Variants in ANKRD17 observed in about 807,000 individuals in gnomAD.
ANKRD17 encodes ankyrin repeat domain 17.
In ANKRD17, 19 loss-of-function variants were observed where a neutral mutation model predicts 229.7. That is an observed-to-expected ratio of 0.08 (90% CI 0.06 to 0.12). ANKRD17 has a LOEUF of 0.12. ANKRD17 is among the 10% of genes least tolerant of loss of function. ANKRD17 has a pLI of 1.00. For synonymous variants in ANKRD17, 1,112 were observed against 1,146.1 expected (o/e 0.97, Z 0.60); for missense variants, 2,176 against 3,176.8 (o/e 0.68, Z 7.57).
intron 1 of ANKRD17, among the ~76,000 whole-genome samples, chr4:73,218,642 CAAAA>C (rs919657671): frequency 7.4e-4 from 44 of 59,672 alleles, no homozygotes; most frequent in Non-Finnish European, 1.3e-3. Flanking sequence ...GACTCTGTCT[CAAAA>C]AAAAAAAAAA....
Position 73,228,997 on chromosome 4 carries a change from G to A in ANKRD17, c.393+29279C>T, listed in dbSNP as rs1397966042. On this transcript the variant is annotated intron_variant, in intron 1 of 33. Transcript: ENST00000358602. Reference sequence around the variant, plus strand: ...TGTCCTTTGTAGGGACACGGATGAAGCTGGAAACCATCATTCTCAGCAAAC... The same window carrying A: ...TGTCCTTTGTAGGGACACGGATGAAACTGGAAACCATCATTCTCAGCAAAC... Among the ~76,000 whole-genome samples the A allele has an allele frequency of 2.6e-5, 4 of 152,312 alleles. No individual in the cohort carries two copies. The South Asian group carries it at 8.3e-4, about 32-fold the overall frequency.
rs1730370780 is a variant in ANKRD17, at chr4:73,147,024, C to T, written c.1760-151G>A. The T allele has an allele frequency of 3.8e-6, 3 of 785,462 alleles. No homozygotes were observed. The South Asian group carries it at 6.8e-5, about 18-fold the overall frequency. The allele number at this position is 785,462 out of a possible 1,614,324, so 48.7% of individuals were successfully genotyped here. A position where few individuals can be genotyped will look rare whatever the true frequency, so the allele number is the denominator to read the frequency against. On this transcript the variant is annotated intron_variant, in intron 9 of 33. Coordinates refer to ENST00000358602, the MANE Select transcript of ANKRD17 (RefSeq NM_032217.5). ...TTCCAGAAACAGAGAATATTGTAGG[C>T]ATTAAAAAAATTACAAACAAAACTG...
At chr4:73,106,879 A>T (rs1210624238) in intron 24 of ANKRD17, among the ~76,000 whole-genome samples, 13 of 2,022 alleles carry the variant, frequency 6.4e-3, no homozygotes, top group Middle Eastern at 0.25. Context: ...CTCCGTCTTT[A>T]AAAAAAAAAA....
At chr4:73,103,050 T>A (rs1054183698) in intron 24 of ANKRD17, among the ~76,000 whole-genome samples, 4 of 152,078 alleles carry the variant, frequency 2.6e-5, no homozygotes, top group African/African-American at 4.8e-5. Flanking sequence ...GTTCAGCAAT[T>A]TTCTTTGCAA....
intron 1 of ANKRD17, among the ~76,000 whole-genome samples, chr4:73,208,774 G>A (rs1739854806): frequency 6.6e-6 from 1 of 152,112 alleles, no homozygotes; most frequent in South Asian, 2.1e-4. Context: ...AGTGCATAGA[G>A]GGAAACTTAT....
At chr4:73,104,433 GGTAA>G (rs1724371752) in intron 24 of ANKRD17, among the ~76,000 whole-genome samples, 2 of 152,198 alleles carry the variant, frequency 1.3e-5, no homozygotes, top group South Asian at 4.1e-4. Context: ...TTGTGGAACA[GGTAA>G]GTAAGTATAA....
chr4:73,140,090 T>C lies in ANKRD17; in HGVS notation c.2526A>G (p.Gln842=), dbSNP rs138221857. The stretch of plus-strand genomic sequence containing the variant: ...GCTCCTCGATCTTCTCCTTGGTAAG[T>C]TGGTCAGCATGAGCCAGTTCCAAGG... The part of the protein sequence containing the change: ...LQSLELAHAD[Q]LTKEKIEELN... Residue 842 remains glutamine (Q), a synonymous_variant, in exon 15 of 34, where the codon CAA becomes CAG. Coordinates refer to ENST00000358602, the MANE Select transcript of ANKRD17 (RefSeq NM_032217.5). 2.8e-4 allele frequency: 457 copies of C among 1,614,120 alleles called. 1 individual carries two copies. Among genetic ancestry groups the C allele is most frequent in the Non-Finnish European group, 3.7e-4 (436 of 1,180,050 alleles).
At chr4:73,167,323 G>T (rs1733370467) in intron 2 of ANKRD17, among the ~76,000 whole-genome samples, 1 of 152,062 alleles carries the variant, frequency 6.6e-6, no homozygotes, top group Non-Finnish European at 1.5e-5. Context: ...GAAAGAAAGG[G>T]AAGTAGGGGG....
At chr4:73,149,529 G>A (rs1315718851) in intron 7 of ANKRD17, among the ~76,000 whole-genome samples, 9 of 152,110 alleles carry the variant, frequency 5.9e-5, no homozygotes, top group South Asian at 4.1e-4. Flanking sequence ...ACACAAATGC[G>A]TACATGGTAC....
In ANKRD17 at chr4:73,118,714, T is replaced by C; in HGVS notation, c.4162A>G (p.Thr1388Ala). 6.2e-7 allele frequency: 1 copy of C among 1,613,634 alleles called. No individual in the cohort carries two copies. Among genetic ancestry groups the C allele is most frequent in the Non-Finnish European group, 8.5e-7 (1 of 1,179,918 alleles). Residue 1388 changes from threonine to alanine, a missense_variant, in exon 22 of 34, where the codon ACT becomes GCT. Thr to Ala is a moderately conservative substitution (Grantham distance 58, BLOSUM62 0). This residue lies in a region of ANKRD17 where 178 missense variants were observed against 421.7 expected (regional missense o/e 0.42). Coordinates refer to ENST00000358602, the MANE Select transcript of ANKRD17 (RefSeq NM_032217.5). ...TTTCTAAATGCTGCCATAAGAGGAG[T>C]TATCTTGCGGTTATCTGCTGCATCC... is the stretch of plus-strand genomic sequence containing the variant. Reference protein sequence around the residue: ...DVDAADNRKITPLMAAFRKGH... With the variant: ...DVDAADNRKIAPLMAAFRKGH...
intron 2 of ANKRD17, among the ~76,000 whole-genome samples, chr4:73,173,959 A>G (rs1437529889): frequency 6.6e-6 from 1 of 151,982 alleles, no homozygotes; most frequent in Non-Finnish European, 1.5e-5. Flanking sequence ...AACTTTCTTC[A>G]GCAGAACCCA....
chr4:73,102,706 A>G, intron 24 of ANKRD17, 159 bp from the exon 25 acceptor site: 2 of 718,664 alleles, frequency 2.8e-6, no homozygotes, highest in South Asian at 2.0e-5. Flanking sequence ...AAACCACTCT[A>G]AAGAGACAAT....
chr4:73,099,109 G>A (rs1723639448), intron 25 of ANKRD17: 1 of 771,586 alleles, frequency 1.3e-6, no homozygotes, highest in South Asian at 1.4e-5. Flanking sequence ...AGGAAGAGGA[G>A]GGCATCTGGC....
chr4:73,215,564 G>T (rs936923872), intron 1 of ANKRD17, among the ~76,000 whole-genome samples: 1 of 152,066 alleles, frequency 6.6e-6, no homozygotes, highest in African/African-American at 2.4e-5. Flanking sequence ...GGCTGAAAAT[G>T]TGATTTTTAA....
At chr4:73,243,743 T>C (rs2149266397) in intron 1 of ANKRD17, among the ~76,000 whole-genome samples, 1 of 152,310 alleles carries the variant, frequency 6.6e-6, no homozygotes, top group Non-Finnish European at 1.5e-5. Flanking sequence ...CCTGGGTACA[T>C]GGCCACTCAG....
intron 2 of ANKRD17, among the ~76,000 whole-genome samples, chr4:73,162,648 A>C (rs1732683236): frequency 6.6e-6 from 1 of 152,126 alleles, no homozygotes; most frequent in Non-Finnish European, 1.5e-5. Context: ...TGAAAGTACT[A>C]ATCTGAAAAC....
intron 27 of ANKRD17, among the ~76,000 whole-genome samples, chr4:73,096,173 A>T (rs967067140): frequency 6.6e-6 from 1 of 152,224 alleles, no homozygotes; most frequent in African/African-American, 2.4e-5. Context: ...CTATATATAC[A>T]ACTAAGTTAC....
Position 73,169,599 on chromosome 4 carries a change from A to G in ANKRD17, c.547+7781T>C, listed in dbSNP as rs558616930. 6.6e-5 allele frequency among the ~76,000 whole-genome samples: 10 copies of G among 152,186 alleles called. No homozygotes were observed. In the South Asian group the frequency reaches 1.9e-3, roughly 28 times the overall value. ...CTATCTACACAAAGTGAGCATCTTC[A>G]TAAGAACCCAAAATCAGGTGAGCAC... On this transcript the variant is annotated intron_variant, in intron 2 of 33. Coordinates refer to ENST00000358602, the MANE Select transcript of ANKRD17 (RefSeq NM_032217.5).
intron 1 of ANKRD17, among the ~76,000 whole-genome samples, chr4:73,237,679 CTAG>C (rs1743629150): frequency 6.6e-6 from 1 of 152,120 alleles, no homozygotes; most frequent in Non-Finnish European, 1.5e-5. Flanking sequence ...ATCTAGAACC[CTAG>C]TATTATCTGC....
Sources: allele counts gnomAD v4.1 joint callset (sites outside exome capture counted in the v4.1 genomes callset), GRCh38; gene constraint gnomAD v4.1.1; regional missense constraint gnomAD v4.1.1; transcripts MANE v1.5; gene names NCBI Gene and HGNC (gene_info 2026-07-23, HGNC 2026-07-21).